LPP: variants seen among roughly 807,000 people sequenced by gnomAD.
LPP encodes LIM domain containing preferred translocation partner in lipoma, also known as lipoma-preferred partner.
A neutral mutation model predicts 60.4 loss-of-function variants in LPP; 38 were observed. The observed-to-expected ratio is 0.63, with a 90% confidence interval of 0.49 to 0.83. The LOEUF is 0.83. Among genes scored for constraint, LPP ranks in the 40% least tolerant of loss-of-function variants. LPP has a pLI of 0.00. For synonymous variants in LPP, 328 were observed against 290.8 expected, an observed-to-expected ratio of 1.13 and a Z score of -1.30; for missense variants, 902 against 783.6, an observed-to-expected ratio of 1.15 and a Z score of -1.80.
intron 5 of LPP, among the ~76,000 whole-genome samples, chr3:188,491,435 C>A (rs1808347150): frequency 6.6e-6 from 1 of 152,176 alleles, no homozygotes; most frequent in Non-Finnish European, 1.5e-5. Context: ...ATATCTTGAT[C>A]CATGAAAACA....
At chr3:188,401,901 T>C (rs904958781) in intron 3 of LPP, among the ~76,000 whole-genome samples, 2 of 152,192 alleles carry the variant, frequency 1.3e-5, no homozygotes, top group Admixed American at 6.5e-5. Flanking sequence ...TAGTAGAAAG[T>C]AATGCTTATG....
At chr3:188,299,484 A>C (rs1749023760) in intron 2 of LPP, among the ~76,000 whole-genome samples, 1 of 152,086 alleles carries the variant, frequency 6.6e-6, no homozygotes, top group East Asian at 1.9e-4. Context: ...TCTAGGTCAG[A>C]CTGTGTCTTT....
At chr3:188,205,465 A>G (rs1732930337) in intron 1 of LPP, among the ~76,000 whole-genome samples, 1 of 151,912 alleles carries the variant, frequency 6.6e-6, no homozygotes, top group African/African-American at 2.4e-5. Context: ...TATTTTTAGT[A>G]GAGACGGGGT....
intron 4 of LPP, among the ~76,000 whole-genome samples, chr3:188,425,725 T>G (rs1388562328): frequency 1.3e-5 from 2 of 152,246 alleles, no homozygotes; most frequent in Admixed American, 1.3e-4. Context: ...GATTTTCTAC[T>G]TTATTTGCAT....
chr3:188,644,122 G>A (rs1475864985), intron 7 of LPP, among the ~76,000 whole-genome samples: 1 of 152,166 alleles, frequency 6.6e-6, no homozygotes, highest in Non-Finnish European at 1.5e-5. Flanking sequence ...CTTATTCTGT[G>A]TTCCAAAGAA....
chr3:188,547,366 T>C (rs1437808822), intron 6 of LPP, among the ~76,000 whole-genome samples: 1 of 152,150 alleles, frequency 6.6e-6, no homozygotes. Context: ...AAAACCTCAA[T>C]TAACTAATAG....
chr3:188,513,447 G>T (rs1579521929), intron 5 of LPP, among the ~76,000 whole-genome samples: 1 of 152,026 alleles, frequency 6.6e-6, no homozygotes, highest in African/African-American at 2.4e-5. Flanking sequence ...TTTACCAGGG[G>T]ATCTGCTGCT....
intron 7 of LPP, among the ~76,000 whole-genome samples, chr3:188,649,072 T>C (rs1851613240): frequency 6.6e-6 from 1 of 152,278 alleles, no homozygotes; most frequent in Non-Finnish European, 1.5e-5. Flanking sequence ...ATTGTCATTT[T>C]CAGTTTAATA....
intron 2 of LPP, among the ~76,000 whole-genome samples, chr3:188,278,354 T>A (rs1740734441): frequency 6.6e-6 from 1 of 152,204 alleles, no homozygotes; most frequent in Non-Finnish European, 1.5e-5. Context: ...TTACCTGGCT[T>A]GGAGCAAGTC....
At chr3:188,686,387 G>T (rs185650359) in intron 7 of LPP, among the ~76,000 whole-genome samples, 51 of 152,224 alleles carry the variant, frequency 3.4e-4, no homozygotes, top group Admixed American at 3.9e-4. Flanking sequence ...AGTCCCCACA[G>T]CTTCTCTTGC....
chr3:188,441,538 G>A lies in LPP; in HGVS notation c.193+35225G>A, dbSNP rs1331481942. On this transcript the variant is annotated intron_variant, in intron 4 of 11. Transcript: ENST00000617246. ...TGGAAGGTACAGTGTCAGAGTTGAA[G>A]GGATGTTCTCAAATCCCCCTAAAGT... Among the ~76,000 whole-genome samples the A allele has an allele frequency of 2.3e-4, 35 of 151,054 alleles. 1 individual carries two copies. Among genetic ancestry groups the A allele is most frequent in the Admixed American group, 2.3e-3 (35 of 15,170 alleles).
intron 10 of LPP, 32 bp from the exon 11 acceptor site, chr3:188,872,611 G>T (rs777899355): frequency 6.2e-7 from 1 of 1,613,870 alleles, no homozygotes; most frequent in East Asian, 2.2e-5. Flanking sequence ...TCGACGCGCA[G>T]TATCTAACCA....
chr3:188,157,461 C>T (rs932159018), intron 1 of LPP, among the ~76,000 whole-genome samples: 1 of 152,132 alleles, frequency 6.6e-6, no homozygotes, highest in Admixed American at 6.5e-5. Flanking sequence ...GGATTTTGTA[C>T]ACGGGTAGAG....
At chr3:188,369,623 C>A (rs1772398514) in intron 3 of LPP, among the ~76,000 whole-genome samples, 1 of 152,174 alleles carries the variant, frequency 6.6e-6, no homozygotes, top group African/African-American at 2.4e-5. Flanking sequence ...AGCAACCACA[C>A]ACTGCTGCCT....
chr3:188,557,361 G>T (rs1338377138), intron 6 of LPP, among the ~76,000 whole-genome samples: 2 of 152,008 alleles, frequency 1.3e-5, no homozygotes, highest in African/African-American at 4.8e-5. Context: ...CAAGCACCGG[G>T]CTAGGAGGAC....
intron 2 of LPP, among the ~76,000 whole-genome samples, chr3:188,244,237 C>T (rs749818393): frequency 3.9e-5 from 6 of 152,328 alleles, no homozygotes; most frequent in Non-Finnish European, 7.3e-5. Context: ...AAACATGCTT[C>T]CTCAAGACAA....
chr3:188,463,346 T>C (rs1327945214), intron 4 of LPP, among the ~76,000 whole-genome samples: 1 of 133,462 alleles, frequency 7.5e-6, no homozygotes, highest in Non-Finnish European at 1.6e-5. Context: ...TGTGTCATCA[T>C]GCCTGACTAA....
At chr3:188,222,316 C>T (rs1257161088) in intron 1 of LPP, among the ~76,000 whole-genome samples, 1 of 151,974 alleles carries the variant, frequency 6.6e-6, no homozygotes, top group Non-Finnish European at 1.5e-5. Context: ...GGTTTTAGTC[C>T]ACATAAATTA....
chr3:188,425,843 T>G (rs139201390), intron 4 of LPP, among the ~76,000 whole-genome samples: 2,271 of 152,324 alleles, frequency 0.015, 56 homozygotes, highest in African/African-American at 0.052. Flanking sequence ...CTCTCTTTTC[T>G]TCTTTATTAG....
Sources: gnomAD v4.1 joint callset for allele counts (sites outside exome capture counted in the v4.1 genomes callset) on GRCh38, gnomAD v4.1.1 for gene constraint, MANE v1.5 for transcripts, NCBI Gene and HGNC (gene_info 2026-07-23, HGNC 2026-07-21) for gene names.